The following CSMD2 variants were observed in gnomAD, a reference collection of about 807,000 sequenced individuals.
CSMD2 encodes CUB and sushi domain-containing protein 2.
CSMD2 carries 130 observed loss-of-function variants against 398.5 expected under a neutral mutation model. That is an observed-to-expected ratio of 0.33 (90% CI 0.28 to 0.38). The LOEUF (loss-of-function observed/expected upper bound fraction) is 0.38, where lower values mean the gene tolerates loss of function less well. Ranked by LOEUF, CSMD2 falls within the 10% of genes least tolerant of loss-of-function variation. CSMD2 has a pLI of 1.00. For missense variants in CSMD2, 3,829 were observed against 4,764.9 expected (o/e 0.80, Z 5.78); for synonymous variants, 1,828 against 1,908.5 (o/e 0.96, Z 1.10).
At chr1:33,707,689 GCGCGCGCACACA>G (rs758490339) in intron 22 of CSMD2, among the ~76,000 whole-genome samples, 11,056 of 126,322 alleles carry the variant, frequency 0.088, 462 homozygotes, top group African/African-American at 0.097. Flanking sequence ...GCACACGCGC[GCGCGCGCACACA>G]CACACACACA....
chr1:33,864,239 C>G (rs781458771), intron 5 of CSMD2: 4 of 1,612,726 alleles, frequency 2.5e-6, no homozygotes, highest in Non-Finnish European at 2.5e-6. Context: ...TCTCTTCTTA[C>G]GTTCACTTTT....
intron 11 of CSMD2, among the ~76,000 whole-genome samples, chr1:33,791,391 G>C (rs1198351897): frequency 6.6e-6 from 1 of 152,212 alleles, no homozygotes; most frequent in Non-Finnish European, 1.5e-5. Flanking sequence ...TTTAATGTTG[G>C]TGACACTCCA....
At chr1:34,045,069 ACACACACACC>A (rs1244242319) in intron 2 of CSMD2, among the ~76,000 whole-genome samples, 1 of 125,200 alleles carries the variant, frequency 8.0e-6, no homozygotes, top group Non-Finnish European at 1.9e-5. Flanking sequence ...ACACACACAC[ACACACACACC>A]CCTACAAACA....
At chr1:34,027,949 G>GGGGCCTAT (rs1250034393) in intron 3 of CSMD2, among the ~76,000 whole-genome samples, 1 of 152,186 alleles carries the variant, frequency 6.6e-6, no homozygotes, top group East Asian at 1.9e-4. Flanking sequence ...GAGGGCTCCT[G>GGGGCCTAT]GGGCCTATTT....
At chr1:34,119,069 C>T (rs1165658592) in intron 1 of CSMD2, among the ~76,000 whole-genome samples, 1 of 152,092 alleles carries the variant, frequency 6.6e-6, no homozygotes, top group African/African-American at 2.4e-5. Flanking sequence ...TAGCATTGGA[C>T]TAAAGAAAGA....
At chr1:34,130,467 A>G (rs10914869) in intron 1 of CSMD2, among the ~76,000 whole-genome samples, 53,691 of 150,076 alleles carry the variant, frequency 0.36, 10,734 homozygotes, top group East Asian at 0.68. Flanking sequence ...ATGGAGAAGC[A>G]TGCAGGAGTG....
intron 3 of CSMD2, among the ~76,000 whole-genome samples, chr1:33,951,844 T>G (rs1645017734): frequency 6.6e-6 from 1 of 152,160 alleles, no homozygotes; most frequent in Non-Finnish European, 1.5e-5. Flanking sequence ...CTTCGTCACC[T>G]CTCCTTCTGT....
At chr1:33,692,276 T>G (rs1645266664) in intron 25 of CSMD2, among the ~76,000 whole-genome samples, 1 of 152,170 alleles carries the variant, frequency 6.6e-6, no homozygotes, top group Admixed American at 6.5e-5. Flanking sequence ...GCATACCTAT[T>G]TTGAAGGAAT....
intron 29 of CSMD2, 139 bp downstream of exon 29, chr1:33,646,509 C>T: frequency 1.2e-6 from 1 of 861,670 alleles, no homozygotes; most frequent in South Asian, 1.8e-5. Context: ...AGGCAGGTTT[C>T]TGCAGGCGGC....
At chr1:33,920,388 A>G (rs1643895333) in intron 4 of CSMD2, among the ~76,000 whole-genome samples, 1 of 151,464 alleles carries the variant, frequency 6.6e-6, no homozygotes, top group Admixed American at 6.6e-5. Context: ...AAAAAAAAAA[A>G]AAAGTTGGCT....
intron 13 of CSMD2, among the ~76,000 whole-genome samples, chr1:33,757,713 G>A (rs933325220): frequency 2.6e-5 from 4 of 152,108 alleles, no homozygotes; most frequent in Non-Finnish European, 5.9e-5. Context: ...ATTTTCCTAA[G>A]CCTCCTTCAT....
At position 33,633,138 on chromosome 1, in the gene CSMD2, T is replaced by C. The variant is rs1642565444; in HGVS notation, c.5200+284A>G. Among the ~76,000 whole-genome samples, 1 of 152,182 alleles carries C rather than the reference T, an allele frequency of 6.6e-6. No homozygotes were observed. The highest frequency in any genetic ancestry group is 1.5e-5 in the Non-Finnish European group (1 of 68,036). Reference sequence around the variant, plus strand: ...CTATAATGAAAATGCAATACATTTATAGTAAGAAAAAAAGTTGCATCTGAA... The same window carrying C: ...CTATAATGAAAATGCAATACATTTACAGTAAGAAAAAAAGTTGCATCTGAA... On this transcript the variant is annotated intron_variant, in intron 32 of 70. Transcript: ENST00000373381. The surrounding 1 kb of genome is among the most constrained non-coding windows in gnomAD (Gnocchi z 5.0).
At chr1:34,127,679 C>A (rs893031770) in intron 1 of CSMD2, among the ~76,000 whole-genome samples, 1 of 151,932 alleles carries the variant, frequency 6.6e-6, no homozygotes, top group Non-Finnish European at 1.5e-5. Flanking sequence ...ACCAGGTGGC[C>A]GATAGAAAGA....
chr1:33,602,637 A>G (rs2148811125), intron 42 of CSMD2, 91 bp from the exon 43 acceptor site: 1 of 1,145,158 alleles, frequency 8.7e-7, no homozygotes, highest in Non-Finnish European at 1.2e-6. Flanking sequence ...AGCTCCCAGA[A>G]CTAATCATCC....
chr1:33,581,091 T>A (rs1638665435), intron 47 of CSMD2, among the ~76,000 whole-genome samples, 192 bp from the exon 48 acceptor site: 1 of 151,038 alleles, frequency 6.6e-6, no homozygotes, highest in East Asian at 1.9e-4. Context: ...TCTAAAGCAG[T>A]GCTCTAGGAA....
intron 1 of CSMD2, among the ~76,000 whole-genome samples, chr1:34,123,640 G>T (rs557152280): frequency 3.9e-5 from 6 of 152,216 alleles, no homozygotes; most frequent in Non-Finnish European, 7.4e-5. Flanking sequence ...CCCAACCCAT[G>T]GGATGTGACT....
chr1:33,820,394 G>A (rs3795414), intron 8 of CSMD2, 75 bp downstream of exon 8: 477,526 of 929,454 alleles, frequency 0.51, 126,150 homozygotes, highest in East Asian at 0.64. Context: ...CCTGCAGGAA[G>A]GCCAGCCCCT....
At chr1:34,046,532 G>A (rs1223978728) in intron 2 of CSMD2, among the ~76,000 whole-genome samples, 1 of 152,104 alleles carries the variant, frequency 6.6e-6, no homozygotes, top group African/African-American at 2.4e-5. Context: ...GGAAAGTCCT[G>A]AATAATAGAC....
chr1:33,605,781 C>G (rs1331707491), intron 41 of CSMD2: 3 of 1,113,568 alleles, frequency 2.7e-6, no homozygotes, highest in Non-Finnish European at 3.9e-6. Context: ...GAAGACATTG[C>G]TCAATTGAAC....
Sources: allele counts gnomAD v4.1 joint callset (sites outside exome capture counted in the v4.1 genomes callset), GRCh38; gene constraint gnomAD v4.1.1; non-coding constraint Gnocchi (gnomAD v3.1); transcripts MANE v1.5; gene names NCBI Gene and HGNC (gene_info 2026-07-23, HGNC 2026-07-21).